The following TCF12 variants were observed in gnomAD, a reference collection of about 807,000 sequenced individuals.
TCF12 encodes the protein DNA-binding protein HTF4.
A neutral mutation model predicts 86.0 loss-of-function variants in TCF12; 45 were observed. That is an observed-to-expected ratio of 0.52 (90% CI 0.41 to 0.67). The LOEUF (loss-of-function observed/expected upper bound fraction) is 0.67. Among genes scored for constraint, TCF12 ranks in the 30% least tolerant of loss-of-function variants. TCF12 has a pLI of 0.00. For synonymous variants in TCF12, 330 were observed against 299.6 expected, an observed-to-expected ratio of 1.10 and a Z score of -1.05; for missense variants, 881 against 859.9, an observed-to-expected ratio of 1.02 and a Z score of -0.31.
intron 16 of TCF12, among the ~76,000 whole-genome samples, chr15:57,257,679 G>GTA (rs55834033): frequency 0.095 from 13,292 of 139,978 alleles, 669 homozygotes; most frequent in South Asian, 0.14. Context: ...AAAAAAAAGT[G>GTA]TATATATATA....
At chr15:57,148,829 C>T (rs1256530899) in intron 5 of TCF12, among the ~76,000 whole-genome samples, 1 of 151,914 alleles carries the variant, frequency 6.6e-6, no homozygotes, top group Non-Finnish European at 1.5e-5. Context: ...TGAGCCAGGA[C>T]TGTGCCACTG....
intron 3 of TCF12, among the ~76,000 whole-genome samples, chr15:56,953,920 C>A (rs1183817223): frequency 2.5e-4 from 34 of 136,644 alleles, no homozygotes; most frequent in African/African-American, 8.2e-4. Flanking sequence ...ATTTCTTTGA[C>A]TTCTGCTGTG....
chr15:57,019,667 T>G (rs770268698), intron 3 of TCF12, among the ~76,000 whole-genome samples: 1 of 151,590 alleles, frequency 6.6e-6, no homozygotes, highest in Non-Finnish European at 1.5e-5. Flanking sequence ...CCCAGTGGAG[T>G]CAGTCTGTTG....
intron 3 of TCF12, among the ~76,000 whole-genome samples, chr15:57,011,384 C>A (rs1451338788): frequency 6.6e-6 from 1 of 151,990 alleles, no homozygotes; most frequent in Non-Finnish European, 1.5e-5. Flanking sequence ...CACCTGCCCC[C>A]CGCTTTTCCT....
At chr15:57,041,177 C>G (rs1776411323) in intron 3 of TCF12, among the ~76,000 whole-genome samples, 1 of 152,112 alleles carries the variant, frequency 6.6e-6, no homozygotes, top group South Asian at 2.1e-4. Flanking sequence ...CTTTGGAAGA[C>G]AGACAGAAAA....
At chr15:57,052,144 A>T (rs1294248597) in intron 3 of TCF12, among the ~76,000 whole-genome samples, 6 of 152,216 alleles carry the variant, frequency 3.9e-5, no homozygotes, top group African/African-American at 1.4e-4. Context: ...ACATATGTAC[A>T]CTCATACATA....
chr15:57,116,951 A>G lies in TCF12; in HGVS notation c.325+25060A>G, dbSNP rs143898492. On this transcript the variant is annotated intron_variant, in intron 5 of 20. Coordinates refer to ENST00000333725, the MANE Select transcript of TCF12 (RefSeq NM_207037.2). ...TTGGGTGTGAGTTGATTTGAATACT[A>G]AAGGTTTCCAGATTTCATCATTATT... 1.5e-3 allele frequency among the ~76,000 whole-genome samples: 235 copies of G among 152,256 alleles called. 1 individual carries two copies. Among genetic ancestry groups the G allele is most frequent in the African/African-American group, 5.5e-3 (229 of 41,552 alleles).
intron 6 of TCF12, among the ~76,000 whole-genome samples, chr15:57,179,261 C>A (rs1272242079): frequency 6.6e-6 from 1 of 151,946 alleles, no homozygotes; most frequent in African/African-American, 2.4e-5. Flanking sequence ...CTGAGGCAGG[C>A]GGATCAAGAG....
At chr15:57,271,245 A>G (rs1356646426) in intron 18 of TCF12, among the ~76,000 whole-genome samples, 1 of 152,152 alleles carries the variant, frequency 6.6e-6, no homozygotes, top group Admixed American at 6.5e-5. Context: ...CTTCCCTGCC[A>G]CTTCGTTCAC....
chr15:56,976,123 T>C (rs1279936326), intron 3 of TCF12, among the ~76,000 whole-genome samples: 1 of 152,134 alleles, frequency 6.6e-6, no homozygotes, highest in Non-Finnish European at 1.5e-5. Context: ...CAGTCATTTT[T>C]TTTTAAAGTG....
intron 4 of TCF12, among the ~76,000 whole-genome samples, chr15:57,075,778 CTTTCTTTCTTTCTT>C (rs1567369912): frequency 5.9e-5 from 3 of 50,972 alleles, no homozygotes; most frequent in African/African-American, 2.2e-4. Context: ...TTCTTTCTTT[CTTTCTTTCTTTCTT>C]TCTTTCTTTC....
intron 8 of TCF12, among the ~76,000 whole-genome samples, chr15:57,200,307 A>C (rs1294576142): frequency 6.6e-6 from 1 of 152,196 alleles, no homozygotes; most frequent in African/African-American, 2.4e-5. Context: ...ATATGTCCTA[A>C]GAACACTTAA....
intron 7 of TCF12, among the ~76,000 whole-genome samples, chr15:57,196,546 C>G (rs2057274653): frequency 6.6e-6 from 1 of 152,158 alleles, no homozygotes. Flanking sequence ...TAATGAGCCC[C>G]TCAGAAAATT....
At position 57,143,596 on chromosome 15, in the gene TCF12, G is replaced by C. The variant is rs2053148159; in HGVS notation, c.326-22806G>C. ...AAAAATCTTTTAGGTTTTAAGCTGGGTTGTAGGTTTTCTGACTGGGGCCCT... is the reference window on the plus strand; with the variant it reads ...AAAAATCTTTTAGGTTTTAAGCTGGCTTGTAGGTTTTCTGACTGGGGCCCT... On this transcript the variant is annotated intron_variant, in intron 5 of 20. Coordinates refer to ENST00000333725, the MANE Select transcript of TCF12 (RefSeq NM_207037.2). Among the ~76,000 whole-genome samples the C allele has an allele frequency of 2.0e-5, 3 of 152,156 alleles. No individual in the cohort carries two copies. In the South Asian group the frequency reaches 6.2e-4, roughly 32 times the overall value.
chr15:57,278,281 C>G (rs2061496334), intron 19 of TCF12, among the ~76,000 whole-genome samples: 2 of 152,078 alleles, frequency 1.3e-5, no homozygotes, highest in Non-Finnish European at 2.9e-5. Context: ...GCTACTGGGC[C>G]TAGAGAGCAA....
chr15:56,923,339 G>A (rs1270990256), intron 3 of TCF12, among the ~76,000 whole-genome samples: 1 of 152,002 alleles, frequency 6.6e-6, no homozygotes, highest in Non-Finnish European at 1.5e-5. Context: ...AACTCATCAT[G>A]GCTGAGTTAT....
chr15:56,921,162 TAGAA>T (rs372873211), intron 3 of TCF12, 64 bp downstream of exon 3: 64 of 1,261,344 alleles, frequency 5.1e-5, no homozygotes, highest in African/African-American at 3.9e-4. Context: ...AGTAGAAAAA[TAGAA>T]AGCATAACAT....
At chr15:57,145,603 T>C (rs561682584) in intron 5 of TCF12, among the ~76,000 whole-genome samples, 1 of 151,750 alleles carries the variant, frequency 6.6e-6, no homozygotes, top group African/African-American at 2.4e-5. Flanking sequence ...GATAGAATCT[T>C]AGCTGTTCAT....
At chr15:57,114,635 G>A (rs1016387946) in intron 5 of TCF12, among the ~76,000 whole-genome samples, 5 of 152,102 alleles carry the variant, frequency 3.3e-5, no homozygotes, top group African/African-American at 4.8e-5. Context: ...TTTAAGTGGA[G>A]GTAGTAGCGG....
Sources: allele counts gnomAD v4.1 joint callset (sites outside exome capture counted in the v4.1 genomes callset), GRCh38; gene constraint gnomAD v4.1.1; transcripts MANE v1.5; gene names NCBI Gene and HGNC (gene_info 2026-07-23, HGNC 2026-07-21).